Variants in NBEA observed in about 807,000 individuals in gnomAD.
The protein encoded by NBEA is neurobeachin.
Under a neutral mutation model 343.4 loss-of-function variants are expected in NBEA, and 44 were observed. The ratio of observed to expected loss-of-function variants is 0.13; its 90% CI spans 0.10 to 0.16. NBEA has a LOEUF of 0.16. Among genes scored for constraint, NBEA ranks in the 10% least tolerant of loss-of-function variants. NBEA has a pLI of 1.00. For missense variants in NBEA, 2,555 were observed against 3,631.3 expected (o/e 0.70, Z 7.62); for synonymous variants, 1,175 against 1,238.7 (o/e 0.95, Z 1.08).
At chr13:35,613,329 T>TGGAGG (rs1294339535) in intron 48 of NBEA, among the ~76,000 whole-genome samples, 4 of 150,550 alleles carry the variant, frequency 2.7e-5, no homozygotes, top group African/African-American at 9.7e-5. Context: ...CTATTTTATT[T>TGGAGG]AACATAATAT....
chr13:35,055,111 G>A (rs2063205731), intron 6 of NBEA, among the ~76,000 whole-genome samples: 1 of 152,042 alleles, frequency 6.6e-6, no homozygotes, highest in African/African-American at 2.4e-5. Context: ...GTAGAACAAA[G>A]TTTGTATTTT....
chr13:35,462,962 G>C (rs1015963208), intron 40 of NBEA, among the ~76,000 whole-genome samples: 10 of 152,092 alleles, frequency 6.6e-5, no homozygotes, highest in Non-Finnish European at 2.9e-5. Context: ...GTGATCTGTT[G>C]GGCCTCCAAA....
Position 35,460,427 on chromosome 13 carries a change from A to G in NBEA, c.6448+8192A>G, listed in dbSNP as rs568735976. Among the ~76,000 whole-genome samples, 3 of 152,376 alleles carry G rather than the reference A, an allele frequency of 2.0e-5. No individual in the cohort carries two copies. The East Asian group carries it at 5.8e-4, about 29-fold the overall frequency. On this transcript the variant is annotated intron_variant, in intron 40 of 58. Coordinates refer to ENST00000379939, the MANE Select transcript of NBEA (RefSeq NM_001385012.1). ...CACAAAGCTCTTAGAGACAACATTA[A>G]TACATGCCTATTTCTTATAAAAGCT...
intron 41 of NBEA, among the ~76,000 whole-genome samples, chr13:35,522,271 C>A (rs1365828076): frequency 6.6e-6 from 1 of 151,634 alleles, no homozygotes; most frequent in Admixed American, 6.6e-5. Flanking sequence ...AGATCGAGAC[C>A]AGCCTGGCCA....
At chr13:34,944,186 C>T (rs1359638162) in intron 1 of NBEA, among the ~76,000 whole-genome samples, 1 of 152,172 alleles carries the variant, frequency 6.6e-6, no homozygotes, top group African/African-American at 2.4e-5. Flanking sequence ...AAATCGAGAG[C>T]AATCAGTTGA....
intron 35 of NBEA, among the ~76,000 whole-genome samples, chr13:35,308,210 T>C (rs952713274): frequency 6.6e-6 from 1 of 151,460 alleles, no homozygotes; most frequent in Non-Finnish European, 1.5e-5. Flanking sequence ...GAAGGGTTGA[T>C]ACAGAGACTG....
At chr13:35,110,647 A>C (rs1324511027) in intron 12 of NBEA, among the ~76,000 whole-genome samples, 163 bp from the exon 13 acceptor site, 1 of 152,078 alleles carries the variant, frequency 6.6e-6, no homozygotes, top group African/African-American at 2.4e-5. Flanking sequence ...TATATTTTTT[A>C]AATATAAATA....
intron 40 of NBEA, among the ~76,000 whole-genome samples, chr13:35,452,926 C>T (rs2152946498): frequency 6.6e-6 from 1 of 152,290 alleles, no homozygotes; most frequent in South Asian, 2.1e-4. Flanking sequence ...TCATAGTGGT[C>T]ACTGACCTCC....
intron 11 of NBEA, among the ~76,000 whole-genome samples, chr13:35,106,006 C>T (rs1051681822): frequency 1.3e-5 from 2 of 151,908 alleles, no homozygotes; most frequent in Admixed American, 1.3e-4. Flanking sequence ...TCTAGTGCTC[C>T]TATTTGGTTT....
intron 33 of NBEA, among the ~76,000 whole-genome samples, chr13:35,214,295 A>G (rs1283776408): frequency 6.6e-6 from 1 of 151,950 alleles, no homozygotes; most frequent in African/African-American, 2.4e-5. Context: ...TAGTAAGTGT[A>G]TGCTTAACCA....
At chr13:35,548,051 C>G (rs951376511) in intron 41 of NBEA, among the ~76,000 whole-genome samples, 1 of 152,116 alleles carries the variant, frequency 6.6e-6, no homozygotes, top group Admixed American at 6.5e-5. Flanking sequence ...GGAGAACAGG[C>G]GCCTGCCAAG....
At chr13:35,286,809 A>T (rs2152815545) in intron 34 of NBEA, among the ~76,000 whole-genome samples, 1 of 151,936 alleles carries the variant, frequency 6.6e-6, no homozygotes, top group South Asian at 2.1e-4. Context: ...CTTGTTTTTT[A>T]GTGGGGAGGG....
chr13:35,476,450 TG>T, intron 41 of NBEA: 1 of 888,570 alleles, frequency 1.1e-6, no homozygotes, highest in Non-Finnish European at 1.8e-6. Flanking sequence ...AAAGAATCCT[TG>T]TGTGAGAGAA....
intron 34 of NBEA, among the ~76,000 whole-genome samples, chr13:35,257,470 G>T (rs1291610944): frequency 6.6e-6 from 1 of 152,056 alleles, no homozygotes; most frequent in Non-Finnish European, 1.5e-5. Context: ...TTAATTAAGA[G>T]CAGCAATGTA....
intron 41 of NBEA, among the ~76,000 whole-genome samples, chr13:35,511,710 T>C (rs984696719): frequency 5.9e-5 from 9 of 152,214 alleles, no homozygotes; most frequent in African/African-American, 1.9e-4. Flanking sequence ...TTACCTATGT[T>C]AATACACTCT....
At chr13:35,038,325 T>C (rs1023536534) in intron 1 of NBEA, among the ~76,000 whole-genome samples, 2 of 152,206 alleles carry the variant, frequency 1.3e-5, no homozygotes, top group African/African-American at 2.4e-5. Context: ...AGTCCTAGAA[T>C]TGGGGACCCC....
Position 35,015,127 on chromosome 13 carries a change from G to GAAAAAAAAAAAAAAAA in NBEA, c.295-25794_295-25793insAAAAAAAAAAAAAAAA, listed in dbSNP as rs771271035. 1.6e-4 allele frequency among the ~76,000 whole-genome samples: 3 copies of GAAAAAAAAAAAAAAAA among 18,328 alleles called. 1 individual carries two copies. The highest frequency in any genetic ancestry group is 4.8e-4 in the African/African-American group (2 of 4,156). The allele number at this position is 18,328 out of a possible 152,430, so 12.0% of individuals were successfully genotyped here. On this transcript the variant is annotated intron_variant, in intron 1 of 58. Transcript: ENST00000379939. ...TTCTCAACAAAAAGCAACGAGATCTGAAAAAAAAAAAACAAACAAAAAAAA... is the reference window on the plus strand; with the variant it reads ...TTCTCAACAAAAAGCAACGAGATCTGAAAAAAAAAAAAAAAAAAAAAAAAAAAACAAACAAAAAAAA...
intron 55 of NBEA, among the ~76,000 whole-genome samples, chr13:35,656,668 G>T (rs1032483459): frequency 3.2e-4 from 48 of 152,186 alleles, no homozygotes; most frequent in African/African-American, 1.1e-3. Context: ...AATAATTACT[G>T]CTTTTAATTA....
chr13:35,101,963 C>T (rs906070184), intron 11 of NBEA, among the ~76,000 whole-genome samples: 10 of 151,756 alleles, frequency 6.6e-5, no homozygotes, highest in Admixed American at 6.6e-4. Flanking sequence ...CCATTTTAGA[C>T]CCATATCCTG....
Sources: allele counts gnomAD v4.1 joint callset (sites outside exome capture counted in the v4.1 genomes callset), GRCh38; gene constraint gnomAD v4.1.1; transcripts MANE v1.5; gene names NCBI Gene and HGNC (gene_info 2026-07-23, HGNC 2026-07-21).